The following SH3GL3 variants were observed in gnomAD, a reference collection of about 807,000 sequenced individuals.
SH3GL3 encodes the protein SH3 domain containing GRB2 like 3, endophilin A3.
SH3GL3 carries 33 observed loss-of-function variants against 47.7 expected under a neutral mutation model. The observed-to-expected ratio is 0.69, with a 90% CI of 0.52 to 0.92. SH3GL3 has a LOEUF of 0.92. SH3GL3 is among the 40% of genes least tolerant of loss of function. The pLI is 0.00. For missense variants in SH3GL3, 363 were observed against 417.8 expected, an observed-to-expected ratio of 0.87 and a Z score of 1.14; for synonymous variants, 155 against 148.8, an observed-to-expected ratio of 1.04 and a Z score of -0.30.
intron 8 of SH3GL3, among the ~76,000 whole-genome samples, chr15:83,614,423 G>T (rs934247922): frequency 2.0e-5 from 3 of 152,204 alleles, no homozygotes; most frequent in South Asian, 4.2e-4. Context: ...TCAAAGTCAC[G>T]ACCCAGTACA....
intron 3 of SH3GL3, chr15:83,565,475 A>G: frequency 3.0e-6 from 1 of 335,302 alleles, no homozygotes; most frequent in Non-Finnish European, 5.4e-6. Context: ...CAAAGGTTTT[A>G]TGAGTTGCTT....
chr15:83,549,128 C>T (rs1365715365), intron 1 of SH3GL3, among the ~76,000 whole-genome samples: 2 of 152,050 alleles, frequency 1.3e-5, no homozygotes, highest in Non-Finnish European at 2.9e-5. Context: ...TTTATGTATT[C>T]CAATTTTTGA....
chr15:83,487,567 G>A (rs777166758), intron 1 of SH3GL3, among the ~76,000 whole-genome samples: 3 of 152,004 alleles, frequency 2.0e-5, no homozygotes, highest in Admixed American at 6.5e-5. Context: ...TTTGAGGAAC[G>A]GTTTCTGTCC....
chr15:83,478,018 C>G (rs1403002712), intron 1 of SH3GL3, among the ~76,000 whole-genome samples: 1 of 152,046 alleles, frequency 6.6e-6, no homozygotes, highest in African/African-American at 2.4e-5. Flanking sequence ...TTTGGGGACA[C>G]TTTCAGCAGT....
intron 1 of SH3GL3, among the ~76,000 whole-genome samples, chr15:83,556,094 G>C (rs2044942405): frequency 6.6e-6 from 1 of 152,224 alleles, no homozygotes; most frequent in Non-Finnish European, 1.5e-5. Flanking sequence ...ATAGAAGCTT[G>C]AGTATTTATA....
At chr15:83,516,377 T>C (rs2042980540) in intron 1 of SH3GL3, among the ~76,000 whole-genome samples, 1 of 152,208 alleles carries the variant, frequency 6.6e-6, no homozygotes, top group African/African-American at 2.4e-5. Flanking sequence ...CAATCACTTA[T>C]TGCTTTTATC....
At chr15:83,565,444 T>C in intron 3 of SH3GL3, 1 of 465,168 alleles carries the variant, frequency 2.1e-6, no homozygotes. Flanking sequence ...GTGCTGGTCA[T>C]AGCAACAAGA....
intron 1 of SH3GL3, among the ~76,000 whole-genome samples, chr15:83,461,472 A>G (rs1054974381): frequency 6.6e-6 from 1 of 152,120 alleles, no homozygotes; most frequent in African/African-American, 2.4e-5. Context: ...TTTATTTTCC[A>G]GATTTAAGGA....
chr15:83,566,397 T>A (rs890941409), intron 3 of SH3GL3, among the ~76,000 whole-genome samples: 1 of 150,884 alleles, frequency 6.6e-6, no homozygotes, highest in African/African-American at 2.4e-5. Flanking sequence ...TGTGTGTGTG[T>A]GTGTGTGTGT....
intron 3 of SH3GL3, among the ~76,000 whole-genome samples, chr15:83,567,148 A>C (rs2045587664): frequency 6.6e-6 from 1 of 152,176 alleles, no homozygotes; most frequent in Non-Finnish European, 1.5e-5. Context: ...ATTTTCCCAT[A>C]GCTATCTCCC....
chr15:83,487,600 A>C (rs2041664573), intron 1 of SH3GL3, among the ~76,000 whole-genome samples: 1 of 152,118 alleles, frequency 6.6e-6, no homozygotes, highest in African/African-American at 2.4e-5. Context: ...AATTCTGGTC[A>C]TAGGCATCAG....
At chr15:83,576,427 T>G (rs867331255) in intron 5 of SH3GL3, among the ~76,000 whole-genome samples, 156 bp from the exon 6 acceptor site, 46 of 152,202 alleles carry the variant, frequency 3.0e-4, no homozygotes, top group African/African-American at 1.0e-3. Flanking sequence ...GGAGCCTCCA[T>G]CAGGTGCTGA....
downstream of SH3GL3, among the ~76,000 whole-genome samples, chr15:83,620,274 A>G (rs1027192769): frequency 6.6e-6 from 1 of 152,222 alleles, no homozygotes; most frequent in South Asian, 2.1e-4. Flanking sequence ...ACTTCCTCCC[A>G]TGAATCACAA....
At chr15:83,514,642 A>G (rs754995905) in intron 1 of SH3GL3, among the ~76,000 whole-genome samples, 4 of 152,212 alleles carry the variant, frequency 2.6e-5, no homozygotes, top group African/African-American at 7.2e-5. Context: ...AAAGGATGAT[A>G]TGATTGCAAA....
intron 1 of SH3GL3, among the ~76,000 whole-genome samples, chr15:83,511,025 G>C (rs6602980): frequency 0.46 from 69,309 of 151,688 alleles, 17,142 homozygotes; most frequent in African/African-American, 0.6. Flanking sequence ...ATAGCATTAG[G>C]AGATATACCT....
chr15:83,627,489 A>G, the SH3GL3 span, among the ~76,000 whole-genome samples: 1 of 152,192 alleles, frequency 6.6e-6, no homozygotes, highest in Non-Finnish European at 1.5e-5. Context: ...AATTAGGGTG[A>G]CCCAAAAACT....
intron 1 of SH3GL3, among the ~76,000 whole-genome samples, chr15:83,506,062 T>G (rs528405993): frequency 3.3e-5 from 5 of 152,328 alleles, no homozygotes; most frequent in Non-Finnish European, 5.9e-5. Flanking sequence ...TATTAATCTT[T>G]TCCCATATTT....
intron 1 of SH3GL3, among the ~76,000 whole-genome samples, chr15:83,552,773 T>C (rs899290480): frequency 2.6e-5 from 4 of 152,242 alleles, no homozygotes; most frequent in African/African-American, 9.6e-5. Context: ...TCATGTTTGA[T>C]ATGTCAGTTT....
At chr15:83,512,554 G>A (rs376637536) in intron 1 of SH3GL3, among the ~76,000 whole-genome samples, 2 of 152,256 alleles carry the variant, frequency 1.3e-5, no homozygotes, top group African/African-American at 4.8e-5. Context: ...GGGCTTTCCT[G>A]CACATTAGAA....
Sources: allele counts gnomAD v4.1 joint callset (sites outside exome capture counted in the v4.1 genomes callset), GRCh38; gene constraint gnomAD v4.1.1; transcripts MANE v1.5; gene names NCBI Gene and HGNC (gene_info 2026-07-23, HGNC 2026-07-21).